The following ATRNL1 variants were observed in gnomAD, a reference collection of about 807,000 sequenced individuals.
ATRNL1 encodes the protein attractin like 1.
In ATRNL1, 95 loss-of-function variants were observed where a neutral mutation model predicts 182.7. The ratio of observed to expected loss-of-function variants is 0.52; its 90% CI spans 0.44 to 0.62. The LOEUF (loss-of-function observed/expected upper bound fraction) is 0.62, where lower values mean the gene tolerates loss of function less well. ATRNL1 is among the 20% of genes least tolerant of loss of function. The pLI, the probability that ATRNL1 is intolerant of heterozygous loss-of-function variation, is 0.00. For missense variants in ATRNL1, 1,471 were observed against 1,679.5 expected (o/e 0.88, Z 2.17); for synonymous variants, 576 against 568.3 (o/e 1.01, Z -0.19).
chr10:115,229,373 T>TTTAAATGG (rs1200676015), intron 9 of ATRNL1, among the ~76,000 whole-genome samples: 3 of 152,130 alleles, frequency 2.0e-5, no homozygotes, highest in Non-Finnish European at 2.9e-5. Context: ...TTATAAATTA[T>TTTAAATGG]GTTATTATTT....
chr10:115,527,786 C>T (rs1851300798), intron 25 of ATRNL1, among the ~76,000 whole-genome samples: 1 of 142,180 alleles, frequency 7.0e-6, no homozygotes, highest in South Asian at 2.4e-4. Context: ...CCTTCCCTCC[C>T]TCCCTCCCTC....
chr10:115,562,754 T>C (rs1853832139), intron 26 of ATRNL1, among the ~76,000 whole-genome samples: 2 of 152,216 alleles, frequency 1.3e-5, no homozygotes, highest in East Asian at 3.9e-4. Context: ...CTGCCATGAT[T>C]GTAAGTTTGC....
At position 115,120,251 on chromosome 10, in the gene ATRNL1, T is replaced by G; in HGVS notation, c.360T>G (p.Thr120=). Residue 120 remains threonine, a synonymous_variant, in exon 2 of 29, where the codon ACT becomes ACG. Coordinates refer to ENST00000355044, the MANE Select transcript of ATRNL1 (RefSeq NM_207303.4). ...PINYKYKTKC[T]WLIEGYPNAV... Reference sequence around the variant, plus strand: ...ACTATAAATATAAAACTAAATGTACTTGGCTCATTGAAGGCTAGTAAGTAT... The same window carrying G: ...ACTATAAATATAAAACTAAATGTACGTGGCTCATTGAAGGCTAGTAAGTAT... The G allele has an allele frequency of 6.4e-7, 1 of 1,563,670 alleles. No individual in the cohort carries two copies. The highest frequency in any genetic ancestry group is 8.8e-7 in the Non-Finnish European group (1 of 1,138,084).
chr10:115,844,950 T>C (rs1235195497), intron 27 of ATRNL1, among the ~76,000 whole-genome samples: 1 of 152,116 alleles, frequency 6.6e-6, no homozygotes, highest in Non-Finnish European at 1.5e-5. Context: ...AGAAACATTA[T>C]CATTTGTGGG....
intron 5 of ATRNL1, among the ~76,000 whole-genome samples, chr10:115,134,620 G>T (rs1281518371): frequency 6.6e-6 from 1 of 152,142 alleles, no homozygotes. Flanking sequence ...GGAGGAGCTG[G>T]TACCATTCCT....
intron 26 of ATRNL1, among the ~76,000 whole-genome samples, chr10:115,589,810 C>G (rs2804198): frequency 1.3e-5 from 2 of 151,904 alleles, no homozygotes; most frequent in Non-Finnish European, 2.9e-5. Context: ...TGAGTATTAA[C>G]GAAAGATTAC....
chr10:115,317,539 C>T (rs1406114354), intron 18 of ATRNL1, among the ~76,000 whole-genome samples: 3 of 151,994 alleles, frequency 2.0e-5, no homozygotes, highest in African/African-American at 4.8e-5. Context: ...AATGTTTTTC[C>T]AGTTGTTTAT....
At chr10:115,778,387 A>G (rs1949181451) in intron 27 of ATRNL1, among the ~76,000 whole-genome samples, 1 of 152,218 alleles carries the variant, frequency 6.6e-6, no homozygotes. Context: ...AAAAGACCAG[A>G]TAAAATGCTA....
At chr10:115,274,011 G>A (rs1006214004) in intron 13 of ATRNL1, among the ~76,000 whole-genome samples, 7 of 152,168 alleles carry the variant, frequency 4.6e-5, no homozygotes, top group African/African-American at 1.7e-4. Context: ...TTTCTATTAA[G>A]GCCCAGTAGC....
At chr10:115,316,032 G>A (rs895297662) in intron 18 of ATRNL1, among the ~76,000 whole-genome samples, 4 of 152,010 alleles carry the variant, frequency 2.6e-5, no homozygotes, top group South Asian at 2.1e-4. Flanking sequence ...TGTGCAGAAC[G>A]TGCAGGTTAC....
chr10:115,244,640 G>T (rs17722681), intron 10 of ATRNL1, among the ~76,000 whole-genome samples: 31,919 of 152,062 alleles, frequency 0.21, 4,288 homozygotes, highest in Non-Finnish European at 0.3. Flanking sequence ...GTTCTAGTTT[G>T]TAAATCTAGT....
chr10:115,177,356 G>C (rs897500345), intron 8 of ATRNL1, among the ~76,000 whole-genome samples: 1 of 152,150 alleles, frequency 6.6e-6, no homozygotes, highest in Non-Finnish European at 1.5e-5. Context: ...AAATGTGTTT[G>C]AAAAGGAAAG....
At chr10:115,736,363 A>T (rs1436611319) in intron 27 of ATRNL1, among the ~76,000 whole-genome samples, 1 of 152,016 alleles carries the variant, frequency 6.6e-6, no homozygotes, top group Admixed American at 6.6e-5. Flanking sequence ...TTCTAAAGTT[A>T]TATTTTATTA....
intron 26 of ATRNL1, among the ~76,000 whole-genome samples, chr10:115,581,957 AT>A (rs1555007704): frequency 7.5e-6 from 1 of 133,478 alleles, no homozygotes; most frequent in Non-Finnish European, 1.5e-5. Context: ...ATGTGATCTC[AT>A]TGTTCAATTC....
intron 14 of ATRNL1, among the ~76,000 whole-genome samples, chr10:115,285,171 G>T (rs1852548492): frequency 6.6e-6 from 1 of 152,096 alleles, no homozygotes; most frequent in African/African-American, 2.4e-5. Flanking sequence ...TTATAGTGGG[G>T]TTTAAAATTA....
At chr10:115,254,907 T>A (rs1310290246) in intron 10 of ATRNL1, among the ~76,000 whole-genome samples, 9 of 152,194 alleles carry the variant, frequency 5.9e-5, no homozygotes, top group Admixed American at 5.9e-4. Flanking sequence ...TTTCCCCTTT[T>A]CTTGTTTTTG....
At chr10:115,272,724 C>G (rs1004160201) in intron 13 of ATRNL1, among the ~76,000 whole-genome samples, 1 of 152,096 alleles carries the variant, frequency 6.6e-6, no homozygotes, top group Non-Finnish European at 1.5e-5. Context: ...GTCAGCCTTG[C>G]AAGGTATTAC....
intron 28 of ATRNL1, among the ~76,000 whole-genome samples, chr10:115,904,119 A>C (rs1450414142): frequency 6.6e-6 from 1 of 152,102 alleles, no homozygotes; most frequent in East Asian, 1.9e-4. Context: ...AGTTCTAAGA[A>C]AGTTTTGAAA....
chr10:115,265,117 C>T, intron 10 of ATRNL1, 76 bp from the exon 11 acceptor site: 1 of 953,302 alleles, frequency 1.0e-6, no homozygotes. Context: ...TTAATTCGGC[C>T]AATGATGTTT....
Sources: gnomAD v4.1 joint callset for allele counts (sites outside exome capture counted in the v4.1 genomes callset) on GRCh38, gnomAD v4.1.1 for gene constraint, MANE v1.5 for transcripts, NCBI Gene and HGNC (gene_info 2026-07-23, HGNC 2026-07-21) for gene names.